XRCC2: variants seen among roughly 807,000 people sequenced by gnomAD.
XRCC2 encodes X-ray repair cross complementing 2.
Under a neutral mutation model 27.3 loss-of-function variants are expected in XRCC2, and 24 were observed. The ratio of observed to expected loss-of-function variants is 0.88; its 90% CI spans 0.64 to 1.24. The LOEUF is 1.24. Among genes scored for constraint, XRCC2 ranks in the 50% most tolerant of loss-of-function variants. The pLI is 0.00. For synonymous variants in XRCC2, 106 were observed against 115.4 expected, an observed-to-expected ratio of 0.92 and a Z score of 0.52; for missense variants, 321 against 325.8, an observed-to-expected ratio of 0.99 and a Z score of 0.11.
intron 2 of XRCC2, among the ~76,000 whole-genome samples, chr7:152,660,484 C>T (rs989695270): frequency 6.6e-6 from 1 of 152,182 alleles, no homozygotes; most frequent in East Asian, 1.9e-4. Context: ...AGACAGAGGT[C>T]AAGGCATATT....
rs765021741 is a variant in XRCC2, at chr7:152,648,826, T to A, written c.659A>T (p.Asp220Val). The A allele has an allele frequency of 1.1e-5, 17 of 1,613,882 alleles. No individual in the cohort carries two copies. The highest frequency in any genetic ancestry group is 1.4e-5 in the Non-Finnish European group (17 of 1,179,872). Residue 220 changes from aspartate (D) to valine (V), a missense_variant, in exon 3 of 3, where the codon GAC becomes GTC. Physicochemically the swap from Asp to Val is radical, Grantham distance 152. Transcript: ENST00000359321. Reference protein sequence around the residue: ...SHASRRLCDVDIDYRPYLCKA... With the variant: ...SHASRRLCDVVIDYRPYLCKA... The stretch of plus-strand genomic sequence containing the variant: ...ACAGAGATAAGGTCTGTAGTCTATG[T>A]CCACATCACACAGTCGTCGAGAGGC...
intron 1 of XRCC2, 109 bp downstream of exon 1, chr7:152,675,932 G>T: frequency 6.8e-7 from 1 of 1,474,476 alleles, no homozygotes; most frequent in Non-Finnish European, 9.4e-7. Flanking sequence ...TCCCAGCCCG[G>T]CCAGGCCGCG....
At chr7:152,649,774 A>G (rs187389524) in intron 2 of XRCC2, among the ~76,000 whole-genome samples, 11 of 152,160 alleles carry the variant, frequency 7.2e-5, no homozygotes, top group African/African-American at 2.7e-4. Flanking sequence ...CTTTAAAACT[A>G]TTTTTCATAG....
intron 2 of XRCC2, among the ~76,000 whole-genome samples, chr7:152,659,085 C>A (rs768575617): frequency 6.6e-6 from 1 of 152,084 alleles, no homozygotes; most frequent in Non-Finnish European, 1.5e-5. Context: ...TACAATCTTA[C>A]CAACAGTGCA....
chr7:152,655,906 G>T (rs1216114124), intron 2 of XRCC2, among the ~76,000 whole-genome samples: 2 of 152,140 alleles, frequency 1.3e-5, no homozygotes, highest in Non-Finnish European at 2.9e-5. Flanking sequence ...CAGCTATTTG[G>T]GAGGCTGAGG....
At position 152,645,073 on chromosome 7, in the gene XRCC2, C is replaced by G. The variant is rs920235139; in HGVS notation, c.*3569G>C. The G allele has an allele frequency of 6.6e-6, 1 of 151,870 alleles. No individual in the cohort carries two copies. Among genetic ancestry groups the G allele is most frequent in the African/African-American group, 2.4e-5 (1 of 41,350 alleles). The allele number at this position is 151,870 out of a possible 1,614,324, so 9.4% of individuals were successfully genotyped here. A position where few individuals can be genotyped will look rare whatever the true frequency, so the allele number is the denominator to read the frequency against. The stretch of plus-strand genomic sequence containing the variant: ...GCTTCAGCCTCCAAGAGTGTGTTTA[C>G]GTAAAATTAAATGAGCGCTGGCAGT... On this transcript the variant is annotated 3_prime_UTR_variant, in exon 3 of 3. Transcript: ENST00000359321.
At position 152,658,090 on chromosome 7, in the gene XRCC2, C is replaced by CA. The variant is rs563441449; in HGVS notation, c.121+2610dup. Among the ~76,000 whole-genome samples, 3 of 151,358 alleles carry CA rather than the reference C, an allele frequency of 2.0e-5. No homozygotes were observed. The East Asian group carries it at 5.8e-4, about 29-fold the overall frequency. On this transcript the variant is annotated intron_variant, in intron 2 of 2. Transcript: ENST00000359321. Reference sequence around the variant, plus strand: ...AAGTGATTCTCCTGTCTTGACCTCTCAAGTAGCTGGGATTACAGGCATGAG... The same window carrying CA: ...AAGTGATTCTCCTGTCTTGACCTCTCAAAGTAGCTGGGATTACAGGCATGAG...
intron 1 of XRCC2, among the ~76,000 whole-genome samples, chr7:152,674,706 T>TA (rs1355973888): frequency 0.026 from 1 of 38 alleles, no homozygotes; most frequent in Non-Finnish European, 0.05. Context: ...AATATATATT[T>TA]ATATAATATA....
intron 1 of XRCC2, among the ~76,000 whole-genome samples, chr7:152,663,194 G>A (rs1590135262): frequency 6.6e-6 from 1 of 152,032 alleles, no homozygotes; most frequent in East Asian, 1.9e-4. Flanking sequence ...TATTTGCCTA[G>A]TTTGATACTA....
At position 152,644,802 on chromosome 7, in the gene XRCC2, G is replaced by C. The variant is rs924081726; in HGVS notation, c.*3840C>G. On this transcript the variant is annotated 3_prime_UTR_variant, in exon 3 of 3. Coordinates refer to ENST00000359321, the MANE Select transcript of XRCC2 (RefSeq NM_005431.2). The stretch of plus-strand genomic sequence containing the variant: ...TTATAGCATTCTGTCTTTAGTAGTG[G>C]TATTTCCATTTACAAAACATAGTAA... The C allele has an allele frequency of 6.6e-6, 1 of 152,150 alleles. No homozygotes were observed. Among genetic ancestry groups the C allele is most frequent in the Non-Finnish European group, 1.5e-5 (1 of 68,042 alleles). The allele number at this position is 152,150 out of a possible 1,614,324, so 9.4% of individuals were successfully genotyped here. A position where few individuals can be genotyped will look rare whatever the true frequency, so the allele number is the denominator to read the frequency against.
At chr7:152,650,937 ATTTAAT>A (rs1484199972) in intron 2 of XRCC2, among the ~76,000 whole-genome samples, 1 of 152,112 alleles carries the variant, frequency 6.6e-6, no homozygotes, top group Non-Finnish European at 1.5e-5. Context: ...ATTTCTTATT[ATTTAAT>A]TTTAATTTTT....
chr7:152,654,562 T>C (rs939344617), intron 2 of XRCC2, among the ~76,000 whole-genome samples: 1 of 152,214 alleles, frequency 6.6e-6, no homozygotes, highest in Non-Finnish European at 1.5e-5. Context: ...CTTGGAGCAT[T>C]AATTGTGTAG....
chr7:152,659,124 C>T (rs535078036), intron 2 of XRCC2, among the ~76,000 whole-genome samples: 5 of 151,934 alleles, frequency 3.3e-5, no homozygotes, highest in Non-Finnish European at 5.9e-5. Context: ...CACATCCTTG[C>T]TAACACTTGC....
chr7:152,653,200 C>T (rs1227986608), intron 2 of XRCC2, among the ~76,000 whole-genome samples: 2 of 152,070 alleles, frequency 1.3e-5, no homozygotes, highest in African/African-American at 4.8e-5. Flanking sequence ...GAGAATTTTC[C>T]TGTACAAGCT....
At chr7:152,662,303 G>T (rs1162319033) in intron 1 of XRCC2, among the ~76,000 whole-genome samples, 1 of 151,922 alleles carries the variant, frequency 6.6e-6, no homozygotes, top group Admixed American at 6.6e-5. Context: ...GTGGTTACTA[G>T]GGGACAGATG....
At chr7:152,672,206 T>C (rs1590139010) in intron 1 of XRCC2, among the ~76,000 whole-genome samples, 2 of 152,202 alleles carry the variant, frequency 1.3e-5, no homozygotes, top group African/African-American at 2.4e-5. Context: ...GCAATGATAA[T>C]GGAATAATTA....
In XRCC2 at chr7:152,660,743, TTTC is replaced by T; in HGVS notation, c.76_78del (p.Glu26del). ...TCATCAGCAAACAGATTTGGTTCTATTTCTTTCAAGGAACTTCTACCTTCAAGT... is the reference window on the plus strand; with the variant it reads ...TCATCAGCAAACAGATTTGGTTCTATTTTCAAGGAACTTCTACCTTCAAGT... On this transcript the variant is annotated inframe_deletion, in exon 2 of 3. Coordinates refer to ENST00000359321, the MANE Select transcript of XRCC2 (RefSeq NM_005431.2). 6.2e-7 allele frequency: 1 copy of T among 1,613,682 alleles called. No homozygotes were observed. Among genetic ancestry groups the T allele is most frequent in the Non-Finnish European group, 8.5e-7 (1 of 1,179,914 alleles).
intron 1 of XRCC2, among the ~76,000 whole-genome samples, chr7:152,666,940 A>C (rs1342794411): frequency 1.3e-5 from 2 of 152,104 alleles, no homozygotes; most frequent in Non-Finnish European, 2.9e-5. Context: ...TTTCATGGAC[A>C]AGAAAGAGCA....
At chr7:152,661,153 A>G (rs1295491215) in intron 1 of XRCC2, among the ~76,000 whole-genome samples, 2 of 152,138 alleles carry the variant, frequency 1.3e-5, no homozygotes, top group Middle Eastern at 3.2e-3. Context: ...TTTTTTTCAT[A>G]ATTTTGTGGA....
Sources: allele counts gnomAD v4.1 joint callset (sites outside exome capture counted in the v4.1 genomes callset), GRCh38; gene constraint gnomAD v4.1.1; transcripts MANE v1.5; gene names NCBI Gene and HGNC (gene_info 2026-07-23, HGNC 2026-07-21).